The following NRG1 variants were observed in gnomAD, a reference collection of about 807,000 sequenced individuals.
The protein encoded by NRG1 is pro-neuregulin-1, membrane-bound isoform.
NRG1 carries 18 observed loss-of-function variants against 63.8 expected under a neutral mutation model. The ratio of observed to expected loss-of-function variants is 0.28; its 90% CI spans 0.19 to 0.42. The LOEUF (loss-of-function observed/expected upper bound fraction) is 0.42, where lower values mean the gene tolerates loss of function less well. Ranked by LOEUF, NRG1 falls within the 10% of genes least tolerant of loss-of-function variation. The probability of loss-of-function intolerance (pLI) is 1.00; values close to 1 mark genes in which losing one functional copy is unlikely to be tolerated. For missense variants in NRG1, 762 were observed against 814.7 expected, an observed-to-expected ratio of 0.94 and a Z score of 0.79; for synonymous variants, 302 against 301.3, an observed-to-expected ratio of 1.00 and a Z score of -0.02.
intron 1 of NRG1, among the ~76,000 whole-genome samples, chr8:32,337,314 A>G (rs9987226): frequency 0.51 from 77,966 of 151,944 alleles, 21,032 homozygotes; most frequent in Non-Finnish European, 0.61. Context: ...GCCTGAATGT[A>G]CTTTTTAAAG....
At chr8:31,854,574 A>C (rs1827638444) in intron 1 of NRG1, among the ~76,000 whole-genome samples, 1 of 151,964 alleles carries the variant, frequency 6.6e-6, no homozygotes, top group Admixed American at 6.6e-5. Context: ...TCCTGGATTC[A>C]TTAATTTTTT....
At chr8:31,948,033 A>G (rs1802895847) in intron 1 of NRG1, among the ~76,000 whole-genome samples, 1 of 150,630 alleles carries the variant, frequency 6.6e-6, no homozygotes. Flanking sequence ...TACTATATAT[A>G]TTTATAAAGG....
At chr8:32,617,369 G>C (rs1405124822) in intron 5 of NRG1, among the ~76,000 whole-genome samples, 2 of 152,256 alleles carry the variant, frequency 1.3e-5, no homozygotes, top group Non-Finnish European at 2.9e-5. Context: ...TTGATAGCAA[G>C]TAACTGATTA....
At chr8:32,115,119 C>T (rs1832546391) in intron 1 of NRG1, among the ~76,000 whole-genome samples, 1 of 151,894 alleles carries the variant, frequency 6.6e-6, no homozygotes, top group South Asian at 2.1e-4. Context: ...CAACCTTTGC[C>T]TCCCGGGTTA....
intron 1 of NRG1, among the ~76,000 whole-genome samples, chr8:31,695,171 T>C (rs902917157): frequency 6.6e-6 from 1 of 150,724 alleles, no homozygotes; most frequent in African/African-American, 2.5e-5. Context: ...TACACACTTT[T>C]ATTTATTTAT....
chr8:31,971,192 T>C (rs545295938), intron 1 of NRG1, among the ~76,000 whole-genome samples: 11 of 152,324 alleles, frequency 7.2e-5, no homozygotes, highest in African/African-American at 2.6e-4. Flanking sequence ...TCCTTTATCA[T>C]ATATGTGATC....
chr8:31,838,081 C>T (rs950511250), intron 1 of NRG1, among the ~76,000 whole-genome samples: 8 of 152,084 alleles, frequency 5.3e-5, no homozygotes, highest in Middle Eastern at 3.2e-3. Flanking sequence ...GATTTACATT[C>T]CCACGAGCAG....
chr8:32,643,306 G>A (rs1455530979), intron 5 of NRG1, among the ~76,000 whole-genome samples: 3 of 152,148 alleles, frequency 2.0e-5, no homozygotes, highest in African/African-American at 7.2e-5. Context: ...CCAATAGGAT[G>A]CAGTGGAAAT....
intron 1 of NRG1, among the ~76,000 whole-genome samples, chr8:31,924,200 A>AT (rs1352369983): frequency 6.6e-6 from 1 of 151,952 alleles, no homozygotes; most frequent in East Asian, 1.9e-4. Context: ...TGAAAAAAAA[A>AT]AAAATCTAAC....
At chr8:31,685,446 T>C (rs1317415255) in intron 1 of NRG1, among the ~76,000 whole-genome samples, 1 of 152,202 alleles carries the variant, frequency 6.6e-6, no homozygotes, top group African/African-American at 2.4e-5. Context: ...AGTTTTCACA[T>C]TATAAATAGC....
At chr8:32,578,992 T>C (rs898978897) in intron 1 of NRG1, among the ~76,000 whole-genome samples, 3 of 152,186 alleles carry the variant, frequency 2.0e-5, no homozygotes, top group Non-Finnish European at 4.4e-5. Flanking sequence ...TTTAGGTTTA[T>C]TAAAATTCCT....
chr8:31,643,560 T>A lies in NRG1; in HGVS notation c.37+4129T>A, dbSNP rs75136522. Among the ~76,000 whole-genome samples, 1,289 of 152,142 alleles carry A rather than the reference T, an allele frequency of 8.5e-3. 19 individuals carry two copies. Among genetic ancestry groups the A allele is most frequent in the African/African-American group, 0.03 (1,227 of 41,480 alleles). Reference sequence around the variant, plus strand: ...GACCTTTGGAAACAGAAACTATGAGTGTATTTTAGAAGACAACATGGAAAT... The same window carrying A: ...GACCTTTGGAAACAGAAACTATGAGAGTATTTTAGAAGACAACATGGAAAT... On this transcript the variant is annotated intron_variant, in intron 1 of 10. Transcript: ENST00000519301.
chr8:31,881,698 T>A (rs1200635150), intron 1 of NRG1, among the ~76,000 whole-genome samples: 1 of 152,194 alleles, frequency 6.6e-6, no homozygotes, highest in African/African-American at 2.4e-5. Context: ...CTTTAGCGAA[T>A]ACACAAATGA....
At chr8:32,423,549 G>A (rs2129486270) in intron 1 of NRG1, among the ~76,000 whole-genome samples, 1 of 152,114 alleles carries the variant, frequency 6.6e-6, no homozygotes, top group East Asian at 1.9e-4. Flanking sequence ...AGAAGCTAAG[G>A]TGGGAGGATT....
chr8:32,025,708 G>A (rs1245428043), intron 1 of NRG1, among the ~76,000 whole-genome samples: 3 of 151,994 alleles, frequency 2.0e-5, no homozygotes, highest in Non-Finnish European at 4.4e-5. Context: ...CGCACTCTGG[G>A]AGGCCGAGGC....
intron 1 of NRG1, among the ~76,000 whole-genome samples, chr8:32,087,537 A>G (rs1254966525): frequency 1.7e-5 from 2 of 114,914 alleles, no homozygotes; most frequent in African/African-American, 6.6e-5. Flanking sequence ...GCTGGAGTGG[A>G]GTGGCTCACT....
intron 1 of NRG1, among the ~76,000 whole-genome samples, chr8:32,393,198 GT>G (rs978475082): frequency 6.6e-6 from 1 of 152,168 alleles, no homozygotes; most frequent in South Asian, 2.1e-4. Context: ...AGAAAACATG[GT>G]TTTTTTCTCC....
chr8:31,816,560 A>T (rs1823469087), intron 1 of NRG1, among the ~76,000 whole-genome samples: 1 of 152,226 alleles, frequency 6.6e-6, no homozygotes, highest in African/African-American at 2.4e-5. Flanking sequence ...ATGGTCCTGT[A>T]AAAGTTTTAT....
chr8:32,072,249 CTAAAAAAAATAAGAA>C (rs1172795819), intron 1 of NRG1, among the ~76,000 whole-genome samples: 1 of 133,090 alleles, frequency 7.5e-6, no homozygotes, highest in Non-Finnish European at 1.6e-5. Context: ...ACTCTAACTT[CTAAAAAAAATAAGAA>C]ACCCAAAACC....
Sources: gnomAD v4.1 joint callset for allele counts (sites outside exome capture counted in the v4.1 genomes callset) on GRCh38, gnomAD v4.1.1 for gene constraint, MANE v1.5 for transcripts, NCBI Gene and HGNC (gene_info 2026-07-23, HGNC 2026-07-21) for gene names.